The following BICD2 variants were observed in gnomAD, a reference collection of about 807,000 sequenced individuals.
The protein encoded by BICD2 is protein bicaudal D homolog 2.
Under a neutral mutation model 72.9 loss-of-function variants are expected in BICD2, and 25 were observed. The observed-to-expected ratio is 0.34, with a 90% CI of 0.25 to 0.48. The LOEUF (loss-of-function observed/expected upper bound fraction) is 0.48. Ranked by LOEUF, BICD2 falls within the 20% of genes least tolerant of loss-of-function variation. The pLI, the probability that BICD2 is intolerant of heterozygous loss-of-function variation, is 0.99. For synonymous variants in BICD2, 501 were observed against 516.1 expected, an observed-to-expected ratio of 0.97 and a Z score of 0.40; for missense variants, 894 against 1,175.2, an observed-to-expected ratio of 0.76 and a Z score of 3.50.
chr9:92,723,175 C>T (rs965854118), intron 2 of BICD2, among the ~76,000 whole-genome samples: 1 of 152,136 alleles, frequency 6.6e-6, no homozygotes, highest in Non-Finnish European at 1.5e-5. Flanking sequence ...AGTGCTCTGG[C>T]AAACAGCCTG....
Position 92,717,883 on chromosome 9 carries a change from C to G in BICD2, c.2172G>C (p.Glu724Asp), listed in dbSNP as rs201335175. The change falls in exon 6 of 7, where the codon GAG becomes GAC. Residue 724 changes from glutamate to aspartate, a missense_variant. Glu to Asp is a conservative substitution (Grantham distance 45). Around this residue, in one of 5 missense-constraint regions of BICD2, gnomAD observed 321 missense variants for 443.9 expected, o/e 0.72. Transcript: ENST00000356884. ...GCTCATTGCGCAGCTTCATCATGGT[C>G]TCGGTAACCATGGCCTTCTCATTCT... ...KYENEKAMVT[E>D]TMMKLRNELK... The G allele has an allele frequency of 6.6e-5, 107 of 1,613,358 alleles. No individual in the cohort carries two copies. Among genetic ancestry groups the G allele is most frequent in the Admixed American group, 3.3e-5 (2 of 60,000 alleles).
In BICD2 at chr9:92,720,722, G is replaced by A. The variant is rs201293367; in HGVS notation, c.640C>T (p.Arg214Cys). ...AGGTACTCGGTCTCCTCCTCCAGAC[G>A]CTTGATCTCATGCTTGAGGCCCTCA... ...EFEGLKHEIK[R>C]LEEETEYLNS... Residue 214 changes from arginine to cysteine, a missense_variant, in exon 4 of 7, where the codon CGT (arginine) becomes TGT (cysteine). Physicochemically the swap from Arg to Cys is radical, Grantham distance 180. Around this residue, in one of 5 missense-constraint regions of BICD2, gnomAD observed 371 missense variants for 439.1 expected, o/e 0.84. Transcript: ENST00000356884. The surrounding 1 kb of genome is among the most constrained non-coding windows in gnomAD (Gnocchi z 5.4). The A allele has an allele frequency of 2.5e-5, 41 of 1,613,938 alleles. No homozygotes were observed. The highest frequency in any genetic ancestry group is 3.3e-5 in the South Asian group (3 of 91,086).
At chr9:92,722,857 G>A (rs1287366582) in intron 2 of BICD2, 49 bp from the exon 3 acceptor site, 5 of 1,610,296 alleles carry the variant, frequency 3.1e-6, no homozygotes, top group African/African-American at 2.7e-5. Flanking sequence ...CACAGGGCAC[G>A]AGAGGGGCTC....
chr9:92,743,223 C>A (rs950022065), intron 1 of BICD2, among the ~76,000 whole-genome samples: 2 of 152,168 alleles, frequency 1.3e-5, no homozygotes, highest in African/African-American at 4.8e-5. Flanking sequence ...GACAGGGTCT[C>A]ACTCTGTCAC....
chr9:92,745,188 G>A (rs1219055141), intron 1 of BICD2, among the ~76,000 whole-genome samples: 1 of 152,140 alleles, frequency 6.6e-6, no homozygotes, highest in East Asian at 1.9e-4. Flanking sequence ...ACAAACAGAT[G>A]TACAGCCTTG....
rs143122702 is a variant in BICD2 at position 92,724,931 on chromosome 9, C to T, written c.454-2123G>A. Reference sequence around the variant, plus strand: ...TGCAAACATGTGCCACTTGATTCAACGCGGCCACCCAGCCGGCTCCTCAGG... The same window carrying T: ...TGCAAACATGTGCCACTTGATTCAATGCGGCCACCCAGCCGGCTCCTCAGG... On this transcript the variant is annotated intron_variant, in intron 2 of 6. Coordinates refer to ENST00000356884, the MANE Select transcript of BICD2 (RefSeq NM_001003800.2). 9.0e-3 allele frequency among the ~76,000 whole-genome samples: 1,371 copies of T among 152,270 alleles called. 23 individuals are homozygous for T. Among genetic ancestry groups the T allele is most frequent in the African/African-American group, 0.032 (1,323 of 41,542 alleles).
chr9:92,749,395 C>T (rs993920716), intron 1 of BICD2, among the ~76,000 whole-genome samples: 15 of 152,196 alleles, frequency 9.9e-5, no homozygotes, highest in Non-Finnish European at 2.2e-4. Flanking sequence ...GGAGGACTTA[C>T]ACTTGTGGAT....
intron 1 of BICD2, among the ~76,000 whole-genome samples, chr9:92,737,605 AG>A (rs1853815353): frequency 1.3e-5 from 2 of 152,198 alleles, no homozygotes; most frequent in Admixed American, 1.3e-4. Context: ...TGGACGATGA[AG>A]GAAGAGTAAA....
In BICD2 at chr9:92,720,447, G is replaced by A. The variant is rs373858530; in HGVS notation, c.915C>T (p.His305=). 4.1e-5 allele frequency: 66 copies of A among 1,614,080 alleles called. No individual in the cohort carries two copies. Among genetic ancestry groups the A allele is most frequent in the Middle Eastern group, 1.6e-4 (1 of 6,084 alleles). The change falls in exon 4 of 7, where the codon CAC becomes CAT. Residue 305 remains histidine (H), a synonymous_variant. Coordinates refer to ENST00000356884, the MANE Select transcript of BICD2 (RefSeq NM_001003800.2). The surrounding 1 kb of genome is among the most constrained non-coding windows in gnomAD (Gnocchi z 5.4). The part of the protein sequence containing the change: ...DAEALVNGFE[H]GGLAKLPLDN... ...CCAGTGGCAGCTTGGCCAGGCCGCC[G>A]TGCTCAAAGCCATTGACCAGGGCCT...
rs946342643 is a variant in BICD2, at chr9:92,722,558, A to G, written c.606+98T>C. ...CTGGGCCTCGGGTGTGTGGAATAAG[A>G]CAGGAACCCCTTCCCAACAGGGAGA... is the stretch of plus-strand genomic sequence containing the variant. On this transcript the variant is annotated intron_variant, in intron 3 of 6. Coordinates refer to ENST00000356884, the MANE Select transcript of BICD2 (RefSeq NM_001003800.2). The G allele has an allele frequency of 2.6e-6, 4 of 1,529,078 alleles. No individual in the cohort carries two copies. In the African/African-American group the frequency reaches 5.5e-5, roughly 21 times the overall value. The allele number at this position is 1,529,078 out of a possible 1,614,324, so 94.7% of individuals were successfully genotyped here.
At chr9:92,728,486 C>T (rs2131509785) in intron 2 of BICD2, among the ~76,000 whole-genome samples, 1 of 152,356 alleles carries the variant, frequency 6.6e-6, no homozygotes, top group East Asian at 1.9e-4. Flanking sequence ...TGCGGGCACT[C>T]TGCTGTGAAC....
rs891328478 is a variant in BICD2, at chr9:92,715,280, G to A, written c.2442C>T (p.Ala814=). The change falls in exon 7 of 7, where the codon GCC becomes GCT. Residue 814 remains alanine, a synonymous_variant. Coordinates refer to ENST00000356884, the MANE Select transcript of BICD2 (RefSeq NM_001003800.2). ...EQTRRGRAKA[A]PKTKPATPSV... Reference sequence around the variant, plus strand: ...TCGGTGTGGCTGGCTTGGTCTTCGGGGCGGCTTTGGCACGGCCACGCCGGG... The same window carrying A: ...TCGGTGTGGCTGGCTTGGTCTTCGGAGCGGCTTTGGCACGGCCACGCCGGG... 3 of 1,612,818 alleles carry A rather than the reference G, an allele frequency of 1.9e-6. No homozygotes were observed. The highest frequency in any genetic ancestry group is 1.7e-6 in the Non-Finnish European group (2 of 1,179,842).
rs151133287 is a variant in BICD2, at chr9:92,715,325, G to A, written c.2397C>T (p.Leu799=). The A allele has an allele frequency of 6.4e-4, 1,030 of 1,612,950 alleles. 1 individual carries two copies. The highest frequency in any genetic ancestry group is 6.9e-4 in the Non-Finnish European group (813 of 1,179,870). ...GCCGGGTCTGCTCATGGTCCAGCTC[G>A]AGCAGCTCCAGCCGCTGGGTCAGCG... The part of the protein sequence containing the change: ...KLALTQRLEL[L]ELDHEQTRRG... The change falls in exon 7 of 7, where the codon CTC becomes CTT. Residue 799 remains leucine (L), a synonymous_variant. Coordinates refer to ENST00000356884, the MANE Select transcript of BICD2 (RefSeq NM_001003800.2).
chr9:92,715,503 C>T (rs780429669), intron 6 of BICD2, 40 bp from the exon 7 acceptor site: 54 of 1,546,440 alleles, frequency 3.5e-5, no homozygotes, highest in African/African-American at 4.1e-5. Context: ...CGGGCAGAGC[C>T]GAGCAGAGGA....
Position 92,764,652 on chromosome 9 carries a change from G to A in BICD2, c.93C>T (p.His31=), listed in dbSNP as rs763329150. The change falls in exon 1 of 7, where the codon CAC becomes CAT. Residue 31 remains histidine, a synonymous_variant. Transcript: ENST00000356884. This position sits in a 1 kb window ranked among gnomAD's most constrained non-coding sequence, Gnocchi z 5.5. ...TCTCACGCGTGGTCTCGGCCAGCTCGTGGGACAGCCGCTTCACCTCGGCGC... is the reference window on the plus strand; with the variant it reads ...TCTCACGCGTGGTCTCGGCCAGCTCATGGGACAGCCGCTTCACCTCGGCGC... ...WLRAEVKRLS[H]ELAETTREKI... 2 of 1,592,208 alleles carry A rather than the reference G, an allele frequency of 1.3e-6. No homozygotes were observed. Among genetic ancestry groups the A allele is most frequent in the Non-Finnish European group, 1.7e-6 (2 of 1,171,674 alleles).
chr9:92,713,516 T>C lies in BICD2; in HGVS notation c.*1638A>G. ...AAGCGGTCATCTGTCGCTTCCTGTTTATCTGACAATTGAAGCTCTCCACGT... is the reference window on the plus strand; with the variant it reads ...AAGCGGTCATCTGTCGCTTCCTGTTCATCTGACAATTGAAGCTCTCCACGT... On this transcript the variant is annotated 3_prime_UTR_variant, in exon 7 of 7. Transcript: ENST00000356884. 6.4e-7 allele frequency: 1 copy of C among 1,566,714 alleles called. No homozygotes were observed. Among genetic ancestry groups the C allele is most frequent in the Middle Eastern group, 2.3e-4 (1 of 4,434 alleles).
At chr9:92,751,245 G>T (rs1197862480) in intron 1 of BICD2, among the ~76,000 whole-genome samples, 1 of 151,988 alleles carries the variant, frequency 6.6e-6, no homozygotes, top group Non-Finnish European at 1.5e-5. Context: ...CGGCTTCCTG[G>T]GTTCAAGTGA....
intron 1 of BICD2, among the ~76,000 whole-genome samples, chr9:92,735,579 AG>A: frequency 6.6e-6 from 1 of 151,562 alleles, no homozygotes; most frequent in South Asian, 2.1e-4. Context: ...TTGGGGAGGA[AG>A]GGCAGCTGCA....
intron 5 of BICD2, 140 bp from the exon 6 acceptor site, chr9:92,718,088 C>T (rs1853360549): frequency 9.3e-7 from 1 of 1,077,744 alleles, no homozygotes; most frequent in South Asian, 1.5e-5. Context: ...CTCCCTGTGA[C>T]AAACCCTGGG....
Sources: gnomAD v4.1 joint callset for allele counts (sites outside exome capture counted in the v4.1 genomes callset) on GRCh38, gnomAD v4.1.1 for gene constraint, gnomAD v4.1.1 regional missense constraint, Gnocchi (gnomAD v3.1) non-coding constraint, MANE v1.5 for transcripts, NCBI Gene and HGNC (gene_info 2026-07-23, HGNC 2026-07-21) for gene names.